Variants in CAMK1D observed in about 807,000 individuals in gnomAD.
CAMK1D encodes calcium/calmodulin-dependent protein kinase type 1D.
A neutral mutation model predicts 47.7 loss-of-function variants in CAMK1D; 9 were observed. The observed-to-expected ratio is 0.19, with a 90% CI of 0.11 to 0.33. The LOEUF (loss-of-function observed/expected upper bound fraction) is 0.33. CAMK1D is among the 10% of genes least tolerant of loss of function. The pLI, the probability that CAMK1D is intolerant of heterozygous loss-of-function variation, is 1.00. For missense variants in CAMK1D, 291 were observed against 488.7 expected (o/e 0.60, Z 3.81); for synonymous variants, 184 against 184.9 (o/e 0.99, Z 0.04).
At chr10:12,646,346 A>T (rs921645765) in intron 2 of CAMK1D, among the ~76,000 whole-genome samples, 1 of 152,232 alleles carries the variant, frequency 6.6e-6, no homozygotes, top group Non-Finnish European at 1.5e-5. Flanking sequence ...ATCTTGTTAT[A>T]TAGCTTGTAT....
chr10:12,737,107 T>C (rs1176149029), intron 3 of CAMK1D, among the ~76,000 whole-genome samples: 1 of 152,098 alleles, frequency 6.6e-6, no homozygotes, highest in South Asian at 2.1e-4. Context: ...CAGACACACA[T>C]TGGCCTCTCT....
rs1266727582 is a variant in CAMK1D at position 12,694,217 on chromosome 10, A to AT, written c.299+27407_299+27408insT. On this transcript the variant is annotated intron_variant, in intron 3 of 10. Transcript: ENST00000619168. ...ATATATTATATATTATGTATAATAT[A>AT]AAATATATATTATGTATAATATATA... Among the ~76,000 whole-genome samples, 2 of 67,124 alleles carry AT rather than the reference A, an allele frequency of 3.0e-5. 1 individual carries two copies. Among genetic ancestry groups the AT allele is most frequent in the Non-Finnish European group, 5.0e-5 (2 of 40,250 alleles). 44.0% of individuals were successfully genotyped at this position (67,124 alleles called of 152,430 possible). A position where few individuals can be genotyped will look rare whatever the true frequency, so the allele number is the denominator to read the frequency against.
At chr10:12,558,284 G>T (rs928932396) in intron 2 of CAMK1D, among the ~76,000 whole-genome samples, 2 of 152,208 alleles carry the variant, frequency 1.3e-5, no homozygotes, top group Admixed American at 1.3e-4. Context: ...GACCGGCACG[G>T]TGGCTCACAC....
chr10:12,398,810 G>C (rs1287361720), intron 1 of CAMK1D, among the ~76,000 whole-genome samples: 1 of 151,112 alleles, frequency 6.6e-6, no homozygotes, highest in Non-Finnish European at 1.5e-5. Flanking sequence ...TTTTCTTTCA[G>C]TTGTTTGATA....
intron 3 of CAMK1D, among the ~76,000 whole-genome samples, chr10:12,749,142 G>A (rs74118561): frequency 0.26 from 38,964 of 152,030 alleles, 5,788 homozygotes; most frequent in African/African-American, 0.42. Flanking sequence ...AATTTGGGGC[G>A]TGATGCCTGG....
intron 3 of CAMK1D, among the ~76,000 whole-genome samples, chr10:12,743,796 G>A (rs1389408706): frequency 2.0e-5 from 3 of 152,220 alleles, no homozygotes; most frequent in Non-Finnish European, 4.4e-5. Flanking sequence ...GCCAAGGCAG[G>A]CAGATCACCT....
intron 2 of CAMK1D, among the ~76,000 whole-genome samples, chr10:12,583,893 T>C (rs559253664): frequency 6.6e-6 from 1 of 152,248 alleles, no homozygotes; most frequent in Admixed American, 6.5e-5. Context: ...CCACCACACC[T>C]GGCTGTGTTT....
At chr10:12,423,441 GGAGGTT>G (rs1164571804) in intron 1 of CAMK1D, among the ~76,000 whole-genome samples, 1 of 152,042 alleles carries the variant, frequency 6.6e-6, no homozygotes, top group African/African-American at 2.4e-5. Context: ...CTTGAGCCCA[GGAGGTT>G]GAAGCTGCAG....
At chr10:12,371,867 A>T (rs1838016409) in intron 1 of CAMK1D, among the ~76,000 whole-genome samples, 1 of 151,534 alleles carries the variant, frequency 6.6e-6, no homozygotes, top group African/African-American at 2.4e-5. Context: ...GGGTTTCACC[A>T]TGTTAGCCAG....
At chr10:12,580,344 T>G (rs1837625737) in intron 2 of CAMK1D, among the ~76,000 whole-genome samples, 1 of 149,558 alleles carries the variant, frequency 6.7e-6, no homozygotes, top group Admixed American at 6.6e-5. Flanking sequence ...CTTCCTTTTT[T>G]TTTTTTTTTT....
intron 5 of CAMK1D, among the ~76,000 whole-genome samples, chr10:12,772,110 C>T (rs752863762): frequency 2.0e-5 from 3 of 151,460 alleles, no homozygotes; most frequent in African/African-American, 4.9e-5. Flanking sequence ...TCTAAGATAG[C>T]GTGATAACGG....
At chr10:12,738,469 T>C (rs1341254768) in intron 3 of CAMK1D, among the ~76,000 whole-genome samples, 1 of 152,192 alleles carries the variant, frequency 6.6e-6, no homozygotes, top group African/African-American at 2.4e-5. Flanking sequence ...ACAAAGATAT[T>C]TATGCCAACT....
chr10:12,421,508 A>ATTTT (rs1840048010), intron 1 of CAMK1D, among the ~76,000 whole-genome samples: 1 of 53,780 alleles, frequency 1.9e-5, no homozygotes, highest in African/African-American at 6.2e-5. Context: ...TTTATCCAGG[A>ATTTT]TTCTTTTTTT....
chr10:12,777,134 G>T (rs977015412), intron 5 of CAMK1D, among the ~76,000 whole-genome samples: 11 of 152,152 alleles, frequency 7.2e-5, no homozygotes, highest in African/African-American at 2.7e-4. Context: ...CAATGAAGGA[G>T]AGGAAAGATC....
intron 3 of CAMK1D, among the ~76,000 whole-genome samples, chr10:12,710,906 A>G (rs576064048): frequency 4.3e-4 from 66 of 152,128 alleles, no homozygotes; most frequent in African/African-American, 1.3e-3. Context: ...CATTTGATCA[A>G]TCACTATTGG....
chr10:12,829,148 C>T lies in CAMK1D; in HGVS notation c.*261C>T, dbSNP rs754475560. ...CGAATCTTGCAAAGCTCTAACTGAA[C>T]GGACCTTCTTATTCCTCTCCCCTAA... On this transcript the variant is annotated 3_prime_UTR_variant, in exon 11 of 11. Transcript: ENST00000619168. 4.5e-5 allele frequency: 17 copies of T among 378,270 alleles called. No homozygotes were observed. The highest frequency in any genetic ancestry group is 2.3e-4 in the African/African-American group (11 of 46,972). 23.4% of individuals were successfully genotyped at this position (378,270 alleles called of 1,614,324 possible).
chr10:12,663,405 A>C (rs1840336788), intron 2 of CAMK1D, among the ~76,000 whole-genome samples: 2 of 152,212 alleles, frequency 1.3e-5, no homozygotes, highest in Admixed American at 6.5e-5. Context: ...AAGACTGGTC[A>C]GCATTGAGAA....
At chr10:12,589,081 A>AG (rs1453232304) in intron 2 of CAMK1D, among the ~76,000 whole-genome samples, 2 of 152,122 alleles carry the variant, frequency 1.3e-5, no homozygotes, top group East Asian at 3.9e-4. Flanking sequence ...AGCTCACTGC[A>AG]GCCTCCATCT....
chr10:12,620,320 T>C (rs1838961513), intron 2 of CAMK1D, among the ~76,000 whole-genome samples: 2 of 152,152 alleles, frequency 1.3e-5, no homozygotes, highest in Non-Finnish European at 1.5e-5. Flanking sequence ...TGCATGGTGG[T>C]TGCATGTTCC....
Sources: gnomAD v4.1 joint callset for allele counts (sites outside exome capture counted in the v4.1 genomes callset) on GRCh38, gnomAD v4.1.1 for gene constraint, MANE v1.5 for transcripts, NCBI Gene and HGNC (gene_info 2026-07-23, HGNC 2026-07-21) for gene names.